The following MFHAS1 variants were observed in gnomAD, a reference collection of about 807,000 sequenced individuals.
The protein encoded by MFHAS1 is multifunctional ROCO family signaling regulator 1.
Under a neutral mutation model 70.4 loss-of-function variants are expected in MFHAS1, and 50 were observed. The ratio of observed to expected loss-of-function variants is 0.71; its 90% CI spans 0.57 to 0.90. The LOEUF is 0.90. Ranked by LOEUF, MFHAS1 falls within the 40% of genes least tolerant of loss-of-function variation. The pLI, the probability that MFHAS1 is intolerant of heterozygous loss-of-function variation, is 0.00. For missense variants in MFHAS1, 1,795 were observed against 1,347.6 expected, an observed-to-expected ratio of 1.33 and a Z score of -5.20; for synonymous variants, 952 against 620.0, an observed-to-expected ratio of 1.54 and a Z score of -7.96.
At chr8:8,787,085 A>ATTTT (rs371642880) in intron 2 of MFHAS1, among the ~76,000 whole-genome samples, 9 of 128,080 alleles carry the variant, frequency 7.0e-5, no homozygotes, top group African/African-American at 2.7e-4. Context: ...TATTATTATT[A>ATTTT]TTTTTTTTTT....
At chr8:8,888,121 C>A (rs938801874) in intron 1 of MFHAS1, among the ~76,000 whole-genome samples, 7 of 152,122 alleles carry the variant, frequency 4.6e-5, no homozygotes, top group African/African-American at 1.7e-4. Flanking sequence ...AAATATAAAA[C>A]AAACTGAAGA....
At chr8:8,826,421 T>C (rs538425876) in intron 1 of MFHAS1, among the ~76,000 whole-genome samples, 1 of 152,118 alleles carries the variant, frequency 6.6e-6, no homozygotes, top group South Asian at 2.1e-4. Flanking sequence ...CATGGGATAG[T>C]TCTAGCCAAT....
intron 2 of MFHAS1, among the ~76,000 whole-genome samples, chr8:8,795,635 C>T (rs570855743): frequency 6.6e-6 from 1 of 152,316 alleles, no homozygotes; most frequent in African/African-American, 2.4e-5. Context: ...AAACGGGGCA[C>T]TGAGCCGAGT....
In MFHAS1 at chr8:8,891,542, G is replaced by A; in HGVS notation, c.1517C>T (p.Thr506Ile). 6.2e-7 allele frequency: 1 copy of A among 1,613,098 alleles called. No individual in the cohort carries two copies. The highest frequency in any genetic ancestry group is 8.5e-7 in the Non-Finnish European group (1 of 1,180,036). The change falls in exon 1 of 3, where the codon ACC becomes ATC. Residue 506 changes from threonine (T) to isoleucine (I), a missense_variant. By Grantham distance (89) the Thr-to-Ile change is moderately conservative (BLOSUM62 -1). Transcript: ENST00000276282. The surrounding 1 kb of genome is among the most constrained non-coding windows in gnomAD (Gnocchi z 5.4). The part of the protein sequence containing the change: ...ALYVLVVNLA[T>I]YEPRHFPTTV... ...GGTAGGAAAGTGGCGAGGCTCATAG[G>A]TGGCCAAGTTGACCACCAGCACGTA...
At position 8,784,483 on chromosome 8, in the gene MFHAS1, G is replaced by T. The variant is rs1015155759; in HGVS notation, c.*1539C>A. The T allele has an allele frequency of 6.6e-6, 1 of 152,226 alleles. No individual in the cohort carries two copies. The highest frequency in any genetic ancestry group is 1.5e-5 in the Non-Finnish European group (1 of 68,040). 9.4% of individuals were successfully genotyped at this position (152,226 alleles called of 1,614,324 possible). On this transcript the variant is annotated 3_prime_UTR_variant, in exon 3 of 3. Coordinates refer to ENST00000276282, the MANE Select transcript of MFHAS1 (RefSeq NM_004225.3). The stretch of plus-strand genomic sequence containing the variant: ...ATAAGAAATCATTCTCTGAACTGCA[G>T]GTTCTGGAGTCAGTGAAATTAATGC...
At chr8:8,838,206 T>G (rs1269182947) in intron 1 of MFHAS1, among the ~76,000 whole-genome samples, 3 of 152,172 alleles carry the variant, frequency 2.0e-5, no homozygotes, top group African/African-American at 7.2e-5. Context: ...AAGGCAGATC[T>G]AATCTATAGT....
rs1810133365 is a variant in MFHAS1 at position 8,892,824 on chromosome 8, G to C, written c.235C>G (p.Pro79Ala). Reference protein sequence around the residue: ...NLGNNGLEEVPEGLGSALGSL... With the variant: ...NLGNNGLEEVAEGLGSALGSL... The stretch of plus-strand genomic sequence containing the variant: ...CCCAGCGCCGACCCCAGCCCCTCGG[G>C]TACCTCCTCCAGGCCGTTGTTCCCC... The change falls in exon 1 of 3, where the codon CCC becomes GCC. Residue 79 changes from proline (P) to alanine (A), a missense_variant. By Grantham distance (27) the Pro-to-Ala change is conservative. Coordinates refer to ENST00000276282, the MANE Select transcript of MFHAS1 (RefSeq NM_004225.3). This position sits in a 1 kb window ranked among gnomAD's most constrained non-coding sequence, Gnocchi z 4.7. 8.8e-6 allele frequency: 14 copies of C among 1,593,032 alleles called. No homozygotes were observed. The highest frequency in any genetic ancestry group is 1.2e-5 in the Non-Finnish European group (14 of 1,170,356).
rs769753343 is a variant in MFHAS1 at position 8,797,423 on chromosome 8, G to A, written c.3067C>T (p.Arg1023Ter). Residue 1023 changes from arginine to a stop codon, truncating the protein, a stop_gained, in exon 2 of 3, where the codon CGA becomes TGA. Transcript: ENST00000276282. LOFTEE classifies it high-confidence loss of function. ...EIICPKNGSERVNVALVYPPT... is the reference protein window; with the variant it reads ...EIICPKNGSE ...GGGTAAACCAAGGCAACATTTACTC[G>A]CTCGCTGCCGTTCTTGGGGCAAATG... 6 of 1,614,082 alleles carry A rather than the reference G, an allele frequency of 3.7e-6. No individual in the cohort carries two copies. Among genetic ancestry groups the A allele is most frequent in the Non-Finnish European group, 4.2e-6 (5 of 1,180,000 alleles).
intron 2 of MFHAS1, among the ~76,000 whole-genome samples, chr8:8,787,760 C>T (rs1232998721): frequency 1.3e-5 from 2 of 152,180 alleles, no homozygotes; most frequent in Admixed American, 6.5e-5. Context: ...AAACATTTTC[C>T]CACTGAATCT....
intron 1 of MFHAS1, among the ~76,000 whole-genome samples, chr8:8,813,618 A>G (rs990024984): frequency 1.3e-5 from 2 of 152,202 alleles, no homozygotes; most frequent in African/African-American, 4.8e-5. Context: ...AACTCATACA[A>G]TAAGGATATA....
At chr8:8,865,437 G>A (rs332038) in intron 1 of MFHAS1, among the ~76,000 whole-genome samples, 8 of 152,152 alleles carry the variant, frequency 5.3e-5, no homozygotes, top group Admixed American at 2.6e-4. Flanking sequence ...TGGGAAAAGA[G>A]ACACAAGGTA....
rs36026181 is a variant in MFHAS1, at chr8:8,785,737, C to CTTTTTT, written c.*279_*284dup. On this transcript the variant is annotated 3_prime_UTR_variant, in exon 3 of 3. Coordinates refer to ENST00000276282, the MANE Select transcript of MFHAS1 (RefSeq NM_004225.3). ...ACAAAATCCCTGAGAAGCCATTCGACTTTTTTTTTTTTTTTTTCTTTTCTT... is the reference window on the plus strand; with the variant it reads ...ACAAAATCCCTGAGAAGCCATTCGACTTTTTTTTTTTTTTTTTTTTTTTCTTTTCTT... 2.6e-5 allele frequency: 6 copies of CTTTTTT among 230,002 alleles called. 1 individual carries two copies. The highest frequency in any genetic ancestry group is 4.2e-5 in the Non-Finnish European group (5 of 120,470). The allele number at this position is 230,002 out of a possible 1,614,324, so 14.2% of individuals were successfully genotyped here.
chr8:8,848,283 C>G (rs1388676284), intron 1 of MFHAS1, among the ~76,000 whole-genome samples: 10 of 151,960 alleles, frequency 6.6e-5, no homozygotes, highest in African/African-American at 2.2e-4. Flanking sequence ...TCCTCCTAGT[C>G]TTCAAAGAAG....
Position 8,787,273 on chromosome 8 carries a change from G to A in MFHAS1, c.3126-1218C>T, listed in dbSNP as rs528974646. Among the ~76,000 whole-genome samples, 6 of 152,058 alleles carry A rather than the reference G, an allele frequency of 3.9e-5. No homozygotes were observed. The East Asian group carries it at 9.7e-4, about 25-fold the overall frequency. ...TTTTTTGCATTTTTAGTAGAGATGG[G>A]GTTTCACCATGTTAGCCAGGATGAT... On this transcript the variant is annotated intron_variant, in intron 2 of 2. Transcript: ENST00000276282.
intron 1 of MFHAS1, among the ~76,000 whole-genome samples, chr8:8,814,602 C>A (rs1806668876): frequency 6.6e-6 from 1 of 152,102 alleles, no homozygotes; most frequent in South Asian, 2.1e-4. Flanking sequence ...AAAGACAAGT[C>A]ACAGACTGGG....
intron 1 of MFHAS1, among the ~76,000 whole-genome samples, chr8:8,809,553 G>A (rs535012988): frequency 6.6e-6 from 1 of 152,322 alleles, no homozygotes; most frequent in East Asian, 1.9e-4. Flanking sequence ...CCTCCCTGCA[G>A]ACGCGTGTGC....
intron 1 of MFHAS1, among the ~76,000 whole-genome samples, chr8:8,881,092 C>T (rs1038923487): frequency 6.6e-6 from 1 of 152,170 alleles, no homozygotes; most frequent in East Asian, 1.9e-4. Context: ...TCTTCTCCTG[C>T]TCCAACGTGC....
intron 1 of MFHAS1, among the ~76,000 whole-genome samples, chr8:8,846,234 C>G (rs1479782314): frequency 1.6e-5 from 2 of 121,714 alleles, no homozygotes; most frequent in Non-Finnish European, 3.2e-5. Flanking sequence ...GCCTGAGCGA[C>G]AGAGCGAGAC....
intron 1 of MFHAS1, among the ~76,000 whole-genome samples, chr8:8,833,281 T>C (rs1807476004): frequency 6.6e-6 from 1 of 152,132 alleles, no homozygotes; most frequent in Middle Eastern, 3.2e-3. Context: ...TAGATCCAAA[T>C]CATATCAGAA....
Sources: gnomAD v4.1 joint callset for allele counts (sites outside exome capture counted in the v4.1 genomes callset) on GRCh38, gnomAD v4.1.1 for gene constraint, Gnocchi (gnomAD v3.1) non-coding constraint, MANE v1.5 for transcripts, NCBI Gene and HGNC (gene_info 2026-07-23, HGNC 2026-07-21) for gene names.